The following PCSK7 variants were observed in gnomAD, a reference collection of about 807,000 sequenced individuals.
PCSK7 encodes proprotein convertase subtilisin/kexin type 7, also known as lymphoma proprotein convertase.
A neutral mutation model predicts 73.3 loss-of-function variants in PCSK7; 38 were observed. The observed-to-expected ratio is 0.52, with a 90% CI of 0.40 to 0.68. The LOEUF is 0.68. Ranked by LOEUF, PCSK7 falls within the 30% of genes least tolerant of loss-of-function variation. The pLI is 0.00. For missense variants in PCSK7, 692 were observed against 991.5 expected (o/e 0.70, Z 4.06); for synonymous variants, 296 against 383.8 (o/e 0.77, Z 2.68).
intron 9 of PCSK7, chr11:117,221,822 C>T (rs894135348): frequency 1.3e-5 from 2 of 152,266 alleles, no homozygotes; most frequent in African/African-American, 4.8e-5. Flanking sequence ...TTGGTATGTT[C>T]CTGTTCTTCC....
In PCSK7 at chr11:117,218,625, T is replaced by G; in HGVS notation, c.1432-57A>C. On this transcript the variant is annotated intron_variant, in intron 11 of 16. Transcript: ENST00000320934. This position sits in a 1 kb window ranked among gnomAD's most constrained non-coding sequence, Gnocchi z 4.0. Reference sequence around the variant, plus strand: ...ACAAACAAGAATGATCACACCCACATTCTCACAAACACACACGCCCTTGTC... The same window carrying G: ...ACAAACAAGAATGATCACACCCACAGTCTCACAAACACACACGCCCTTGTC... 1 of 945,944 alleles carries G rather than the reference T, an allele frequency of 1.1e-6. No individual in the cohort carries two copies. Among genetic ancestry groups the G allele is most frequent in the East Asian group, 2.5e-5 (1 of 40,150 alleles). 58.6% of individuals were successfully genotyped at this position (945,944 alleles called of 1,614,324 possible). A position where few individuals can be genotyped will look rare whatever the true frequency, so the allele number is the denominator to read the frequency against.
At chr11:117,211,890 A>T (rs2031743211) in intron 12 of PCSK7, 1 of 152,236 alleles carries the variant, frequency 6.6e-6, no homozygotes, top group African/African-American at 2.4e-5. Flanking sequence ...AACAGTACCT[A>T]CTTCATAGGT....
At position 117,223,280 on chromosome 11, in the gene PCSK7, A is replaced by G. The variant is rs772137933; in HGVS notation, c.1083T>C (p.Pro361=). The change falls in exon 9 of 17, where the codon CCT becomes CCC. Residue 361 remains proline (P), a synonymous_variant. Coordinates refer to ENST00000320934, the MANE Select transcript of PCSK7 (RefSeq NM_004716.4). ...TGGAGGCACATTCTTCTGCATAGAA[A>G]GGCATGCGTCCCTCCTCATCCACAG... ...IGAVDEEGRM[P]FYAEECASML... is the part of the protein sequence containing the mutation. 3.1e-6 allele frequency: 5 copies of G among 1,612,674 alleles called. No individual in the cohort carries two copies. The African/African-American group carries it at 4.0e-5, about 13-fold the overall frequency.
chr11:117,231,616 C>G lies in PCSK7; in HGVS notation c.-133+411G>C, dbSNP rs76288952. On this transcript the variant is annotated intron_variant, in intron 1 of 16. Transcript: ENST00000320934. ...ATCCCCCAGGCTTCTGGGAAAGGAA[C>G]CTTAAATGCCTTCTGAAAGCAGGTC... is the stretch of plus-strand genomic sequence containing the variant. Among the ~76,000 whole-genome samples, 133 of 152,312 alleles carry G rather than the reference C, an allele frequency of 8.7e-4. 1 individual carries two copies. The East Asian group carries it at 0.021, about 24-fold the overall frequency.
At chr11:117,206,415 C>T (rs2031398167) in intron 16 of PCSK7, 59 bp from the exon 17 acceptor site, 2 of 1,551,676 alleles carry the variant, frequency 1.3e-6, no homozygotes, top group East Asian at 2.3e-5. Context: ...CAGCCTTTCT[C>T]AGCCCAGGAC....
intron 8 of PCSK7, chr11:117,223,547 GGC>G: frequency 1.8e-6 from 1 of 549,348 alleles, no homozygotes; most frequent in South Asian, 2.3e-5. Flanking sequence ...GGGTACAACT[GGC>G]AGCCTTCTAC....
chr11:117,224,144 C>T lies in PCSK7; in HGVS notation c.988G>A (p.Gly330Arg), dbSNP rs1159546876. The change falls in exon 8 of 17, where the codon GGA becomes AGA. Residue 330 changes from glycine (G) to arginine (R), a missense_variant. Coordinates refer to ENST00000320934, the MANE Select transcript of PCSK7 (RefSeq NM_004716.4). ...GSIFVVASGN[G>R]GQHNDNCNYD... ...TTGCAGTTGTCGTTGTGTTGGCCTCCGTTGCCACTGGCTACCACAAAGATG... is the reference window on the plus strand; with the variant it reads ...TTGCAGTTGTCGTTGTGTTGGCCTCTGTTGCCACTGGCTACCACAAAGATG... 2 of 1,614,108 alleles carry T rather than the reference C, an allele frequency of 1.2e-6. No individual in the cohort carries two copies. Among genetic ancestry groups the T allele is most frequent in the African/African-American group, 1.3e-5 (1 of 75,030 alleles).
At chr11:117,219,462 C>T in intron 10 of PCSK7, 129 bp downstream of exon 10, 1 of 902,754 alleles carries the variant, frequency 1.1e-6, no homozygotes, top group South Asian at 1.7e-5. Context: ...TTTACATATG[C>T]AACTCTGAAA....
Position 117,205,287 on chromosome 11 carries a change from A to G in PCSK7, c.*710T>C, listed in dbSNP as rs2031300912. 1 of 233,606 alleles carries G rather than the reference A, an allele frequency of 4.3e-6. No homozygotes were observed. Among genetic ancestry groups the G allele is most frequent in the Non-Finnish European group, 8.5e-6 (1 of 118,076 alleles). 14.5% of individuals were successfully genotyped at this position (233,606 alleles called of 1,614,324 possible). Reference sequence around the variant, plus strand: ...CCATTTCCCTGAGCACTTGCAGAGGAAGACAGGGTGGTGGCAGGACTGGAG... The same window carrying G: ...CCATTTCCCTGAGCACTTGCAGAGGGAGACAGGGTGGTGGCAGGACTGGAG... On this transcript the variant is annotated 3_prime_UTR_variant, in exon 17 of 17. Transcript: ENST00000320934.
intron 12 of PCSK7, chr11:117,211,629 A>G (rs1030317502): frequency 2.0e-5 from 3 of 152,272 alleles, no homozygotes; most frequent in Non-Finnish European, 2.9e-5. Flanking sequence ...GTCCTTTCAC[A>G]GCAATACTTG....
chr11:117,226,866 T>C lies in PCSK7; in HGVS notation c.769+291A>G, dbSNP rs1271374940. 3 of 259,256 alleles carry C rather than the reference T, an allele frequency of 1.2e-5. No homozygotes were observed. The East Asian group carries it at 2.9e-4, about 25-fold the overall frequency. 16.1% of individuals were successfully genotyped at this position (259,256 alleles called of 1,614,324 possible). On this transcript the variant is annotated intron_variant, in intron 5 of 16. Coordinates refer to ENST00000320934, the MANE Select transcript of PCSK7 (RefSeq NM_004716.4). ...GCTGGGGAGCTGGGGAGCTGGGAAA[T>C]GCAAAGGCTGCCACCATAGACGTAT... is the stretch of plus-strand genomic sequence containing the variant.
chr11:117,227,737 G>A (rs888568426), intron 4 of PCSK7, among the ~76,000 whole-genome samples: 6 of 152,148 alleles, frequency 3.9e-5, no homozygotes, highest in African/African-American at 9.7e-5. Flanking sequence ...CACCGCGCCC[G>A]GACCCAATAA....
chr11:117,231,704 G>A (rs1190174799), intron 1 of PCSK7: 1 of 152,302 alleles, frequency 6.6e-6, no homozygotes, highest in Non-Finnish European at 1.5e-5. Flanking sequence ...AGAAGAGAAT[G>A]GGCAGCCTGG....
rs1565315051 is a variant in PCSK7 at position 117,224,100 on chromosome 11, GTT to G, written c.1030_1031del (p.Asn344LeufsTer12). 6.2e-7 allele frequency: 1 copy of G among 1,613,244 alleles called. No individual in the cohort carries two copies. Among genetic ancestry groups the G allele is most frequent in the Non-Finnish European group, 8.5e-7 (1 of 1,179,592 alleles). On this transcript the variant is annotated frameshift_variant, in exon 8 of 17. Transcript: ENST00000320934. LOFTEE classifies it high-confidence loss of function. ...TACCTATGGTGACGGTGTAGATGGA[GTT>G]GGCGTAGCCATCGTAGTTGCAGTTG... ...NDNCNYDGYA[N>X]SIYTVTIGAV...
rs1555047254 is a variant in PCSK7, at chr11:117,225,074, T to TC, written c.861-320dup. The TC allele has an allele frequency of 4.5e-3, 1,017 of 227,298 alleles. 13 individuals carry two copies. Among genetic ancestry groups the TC allele is most frequent in the African/African-American group, 0.023 (984 of 42,700 alleles). The allele number at this position is 227,298 out of a possible 1,614,324, so 14.1% of individuals were successfully genotyped here. A position where few individuals can be genotyped will look rare whatever the true frequency, so the allele number is the denominator to read the frequency against. ...GTAGACCTTTTTTTTTTTTTTTTTT[T>TC]CTCCTGAAACGGCGTCTTCCTCTGT... is the stretch of plus-strand genomic sequence containing the variant. On this transcript the variant is annotated intron_variant, in intron 6 of 16. Transcript: ENST00000320934.
chr11:117,224,578 C>T (rs2032336680), intron 7 of PCSK7, 123 bp downstream of exon 7: 3 of 838,534 alleles, frequency 3.6e-6, no homozygotes, highest in Non-Finnish European at 6.2e-6. Context: ...GTTAGGTGTT[C>T]TCTTCCTGAA....
rs2239009 is a variant in PCSK7, at chr11:117,219,006, G to C, written c.1431+51C>G. On this transcript the variant is annotated intron_variant, in intron 11 of 16. Coordinates refer to ENST00000320934, the MANE Select transcript of PCSK7 (RefSeq NM_004716.4). ...CAGGCAGTTTGGGGCATTCAGCTCC[G>C]ACCCTTGGTCACTCCACACAGGGCA... 0.062 allele frequency: 79,324 copies of C among 1,281,180 alleles called. 2,712 individuals carry two copies. Among genetic ancestry groups the C allele is most frequent in the East Asian group, 0.1 (4,298 of 42,142 alleles). The allele number at this position is 1,281,180 out of a possible 1,614,324, so 79.4% of individuals were successfully genotyped here.
intron 8 of PCSK7, 157 bp downstream of exon 8, chr11:117,223,921 G>T: frequency 1.4e-6 from 1 of 722,348 alleles, no homozygotes; most frequent in Non-Finnish European, 2.4e-6. Flanking sequence ...CATCTAAGAA[G>T]TCCCAAGGTC....
At chr11:117,219,305 C>A (rs2032105580) in intron 10 of PCSK7, 141 bp from the exon 11 acceptor site, 2 of 684,642 alleles carry the variant, frequency 2.9e-6, no homozygotes, top group Admixed American at 2.7e-5. Flanking sequence ...TTCCCCAAGG[C>A]AAGCTGGGAC....
Sources: gnomAD v4.1 joint callset for allele counts (sites outside exome capture counted in the v4.1 genomes callset) on GRCh38, gnomAD v4.1.1 for gene constraint, Gnocchi (gnomAD v3.1) non-coding constraint, MANE v1.5 for transcripts, NCBI Gene and HGNC (gene_info 2026-07-23, HGNC 2026-07-21) for gene names.